The following EEF2K variants were observed in gnomAD, a reference collection of about 807,000 sequenced individuals.
The protein encoded by EEF2K is eukaryotic elongation factor 2 kinase, also known as alternative protein EEF2K.
A neutral mutation model predicts 93.8 loss-of-function variants in EEF2K; 70 were observed. The ratio of observed to expected loss-of-function variants is 0.75; its 90% CI spans 0.62 to 0.91. EEF2K has a LOEUF of 0.91. EEF2K is among the 40% of genes least tolerant of loss of function. The pLI is 0.00. For synonymous variants in EEF2K, 376 were observed against 380.8 expected (o/e 0.99, Z 0.15); for missense variants, 935 against 972.9 (o/e 0.96, Z 0.52).
chr16:22,209,834 C>G (rs1567255317), intron 1 of EEF2K, among the ~76,000 whole-genome samples: 1 of 152,188 alleles, frequency 6.6e-6, no homozygotes, highest in Non-Finnish European at 1.5e-5. Flanking sequence ...GCTCTGTCAC[C>G]CAGGCTGCGG....
intron 3 of EEF2K, among the ~76,000 whole-genome samples, chr16:22,247,140 G>A (rs1403689873): frequency 7.0e-6 from 1 of 143,844 alleles, no homozygotes; most frequent in Admixed American, 7.1e-5. Context: ...CAGCCATAAA[G>A]CTTAAAAATA....
At chr16:22,216,747 C>A (rs922580800) in intron 1 of EEF2K, among the ~76,000 whole-genome samples, 3 of 151,764 alleles carry the variant, frequency 2.0e-5, no homozygotes, top group Non-Finnish European at 2.9e-5. Flanking sequence ...AATAAAGGAA[C>A]CAGAAGAAGA....
chr16:22,282,614 C>CCTCTTGCTCGCTTGCTTTCTACGT lies in EEF2K; in HGVS notation c.2069-1263_2069-1240dup, dbSNP rs1004227617. ...TTTGTTATAAAAGCAAATTTGGCCCCCTCTTGCTCGCTTGCTTTCTACGTC... is the reference window on the plus strand; with the variant it reads ...TTTGTTATAAAAGCAAATTTGGCCCCCTCTTGCTCGCTTGCTTTCTACGTCTCTTGCTCGCTTGCTTTCTACGTC... On this transcript the variant is annotated intron_variant, in intron 17 of 17. Transcript: ENST00000263026. Among the ~76,000 whole-genome samples, 4 of 152,196 alleles carry CCTCTTGCTCGCTTGCTTTCTACGT rather than the reference C, an allele frequency of 2.6e-5. No individual in the cohort carries two copies. In the East Asian group the frequency reaches 5.8e-4, roughly 22 times the overall value.
At chr16:22,237,478 A>G (rs1302882457) in intron 2 of EEF2K, among the ~76,000 whole-genome samples, 1 of 151,906 alleles carries the variant, frequency 6.6e-6, no homozygotes, top group Non-Finnish European at 1.5e-5. Flanking sequence ...TCTCTACAAA[A>G]ATACAAAAAA....
At position 22,288,268 on chromosome 16, in the gene EEF2K, G is replaced by A. The variant is rs2047769171; in HGVS notation, c.*4272G>A. ...GGCCTCCCAAAGTGCTGGGATTACA[G>A]GCATGAGCCACCGTGCCAAGCCACG... On this transcript the variant is annotated 3_prime_UTR_variant, in exon 18 of 18. Transcript: ENST00000263026. 1 of 152,192 alleles carries A rather than the reference G, an allele frequency of 6.6e-6. No individual in the cohort carries two copies. Among genetic ancestry groups the A allele is most frequent in the African/African-American group, 2.4e-5 (1 of 41,432 alleles). The allele number at this position is 152,192 out of a possible 1,614,324, so 9.4% of individuals were successfully genotyped here.
chr16:22,246,252 T>C (rs976742197), intron 3 of EEF2K, among the ~76,000 whole-genome samples: 29 of 152,146 alleles, frequency 1.9e-4, no homozygotes, highest in African/African-American at 6.8e-4. Flanking sequence ...CTGGGCATGG[T>C]GGCTCATGCC....
At chr16:22,241,788 G>T (rs2047226143) in intron 2 of EEF2K, among the ~76,000 whole-genome samples, 1 of 151,712 alleles carries the variant, frequency 6.6e-6, no homozygotes, top group Admixed American at 6.6e-5. Flanking sequence ...TACCAAAATA[G>T]AAGAAAAGAA....
chr16:22,284,801 T>C lies in EEF2K; in HGVS notation c.*805T>C, dbSNP rs1337718823. On this transcript the variant is annotated 3_prime_UTR_variant, in exon 18 of 18. Transcript: ENST00000263026. Reference sequence around the variant, plus strand: ...CTAAGTCACGGGGCGTGTATTGCCGTGGCTTAGTGCAAAGCATTCTTTCTC... The same window carrying C: ...CTAAGTCACGGGGCGTGTATTGCCGCGGCTTAGTGCAAAGCATTCTTTCTC... The C allele has an allele frequency of 6.6e-6, 1 of 152,160 alleles. No individual in the cohort carries two copies. Among genetic ancestry groups the C allele is most frequent in the Non-Finnish European group, 1.5e-5 (1 of 68,030 alleles). 9.4% of individuals were successfully genotyped at this position (152,160 alleles called of 1,614,324 possible).
rs762484251 is a variant in EEF2K, at chr16:22,272,465, G to A, written c.1765-1161G>A. On this transcript the variant is annotated intron_variant, in intron 15 of 17. Coordinates refer to ENST00000263026, the MANE Select transcript of EEF2K (RefSeq NM_013302.5). ...TTGTATGACTATATTATTATGAAATGTCCAGATCCAGAATAGGCAATCCAT... is the reference window on the plus strand; with the variant it reads ...TTGTATGACTATATTATTATGAAATATCCAGATCCAGAATAGGCAATCCAT... 7.2e-5 allele frequency among the ~76,000 whole-genome samples: 11 copies of A among 152,298 alleles called. 1 individual carries two copies. The highest frequency in any genetic ancestry group is 6.8e-3 in the Middle Eastern group (2 of 294).
intron 16 of EEF2K, among the ~76,000 whole-genome samples, chr16:22,273,972 C>T (rs1374156436): frequency 1.3e-5 from 2 of 152,178 alleles, no homozygotes; most frequent in African/African-American, 4.8e-5. Context: ...GAAGGGTAAA[C>T]GAGATGCTGA....
intron 1 of EEF2K, among the ~76,000 whole-genome samples, 164 bp from the exon 2 acceptor site, chr16:22,225,490 A>C (rs1483147473): frequency 6.6e-6 from 1 of 152,202 alleles, no homozygotes; most frequent in African/African-American, 2.4e-5. Flanking sequence ...TTTCGAATTT[A>C]AAATGTGCCT....
At chr16:22,229,698 C>A (rs2047097267) in intron 2 of EEF2K, among the ~76,000 whole-genome samples, 1 of 151,998 alleles carries the variant, frequency 6.6e-6, no homozygotes, top group African/African-American at 2.4e-5. Flanking sequence ...GAGACTCCAT[C>A]TCAAAAAAAG....
rs2047350017 is a variant in EEF2K at position 22,251,335 on chromosome 16, A to G, written c.618+13A>G. On this transcript the variant is annotated intron_variant, in intron 6 of 17. Transcript: ENST00000263026. ...GCCCCCCAAGCAGGTGCGTGGCCCC[A>G]CTACCTGCCCCCTTTCCATGCCAGG... 1.2e-6 allele frequency: 2 copies of G among 1,613,174 alleles called. No homozygotes were observed. Among genetic ancestry groups the G allele is most frequent in the African/African-American group, 1.3e-5 (1 of 74,946 alleles).
chr16:22,239,542 G>A (rs2047200716), intron 2 of EEF2K, among the ~76,000 whole-genome samples: 1 of 152,150 alleles, frequency 6.6e-6, no homozygotes, highest in Non-Finnish European at 1.5e-5. Context: ...TGGGCGTGGT[G>A]GCTCATGCCT....
At chr16:22,243,247 A>ATTTT (rs568043657) in intron 2 of EEF2K, among the ~76,000 whole-genome samples, 1 of 118,498 alleles carries the variant, frequency 8.4e-6, no homozygotes. Flanking sequence ...GATGCAGCCT[A>ATTTT]TTTTTTTTTT....
At position 22,285,147 on chromosome 16, in the gene EEF2K, C is replaced by A. The variant is rs1349156556; in HGVS notation, c.*1151C>A. 6.6e-6 allele frequency: 1 copy of A among 152,556 alleles called. No homozygotes were observed. Among genetic ancestry groups the A allele is most frequent in the Non-Finnish European group, 1.5e-5 (1 of 68,056 alleles). The allele number at this position is 152,556 out of a possible 1,614,324, so 9.5% of individuals were successfully genotyped here. ...AGGACAGCGGCTTGGAATGTGAGAG[C>A]CTTTTCTCCAAGCAGACCCACACTC... is the stretch of plus-strand genomic sequence containing the variant. On this transcript the variant is annotated 3_prime_UTR_variant, in exon 18 of 18. Coordinates refer to ENST00000263026, the MANE Select transcript of EEF2K (RefSeq NM_013302.5).
At position 22,277,363 on chromosome 16, in the gene EEF2K, G is replaced by A. The variant is rs967559024; in HGVS notation, c.1890-2835G>A. On this transcript the variant is annotated intron_variant, in intron 16 of 17. Transcript: ENST00000263026. ...TTGCCCAGGCTGGCCTCAAACTCCT[G>A]GGCTCAAGAGATCCTCCAACCTAGG... 2.0e-5 allele frequency among the ~76,000 whole-genome samples: 3 copies of A among 152,110 alleles called. No individual in the cohort carries two copies. In the East Asian group the frequency reaches 5.8e-4, roughly 29 times the overall value.
rs2047730649 is a variant in EEF2K, at chr16:22,284,296, T to C, written c.*300T>C. The C allele has an allele frequency of 3.0e-6, 1 of 332,668 alleles. No individual in the cohort carries two copies. 20.6% of individuals were successfully genotyped at this position (332,668 alleles called of 1,614,324 possible). On this transcript the variant is annotated 3_prime_UTR_variant, in exon 18 of 18. Transcript: ENST00000263026. ...TTTTTTTGTTTGTTTGTTTGTTTGT[T>C]TTGAGACAGAGTCTTGCTCTGTCAC...
At position 22,256,908 on chromosome 16, in the gene EEF2K, G is replaced by C. The variant is rs2141673687; in HGVS notation, c.768+11G>C. ...CGCCTGACGCCGCAGGTGAGGCCGA[G>C]CTCACCTCCACCCTCTGCCCACCAC... On this transcript the variant is annotated intron_variant, in intron 7 of 17. Transcript: ENST00000263026. The C allele has an allele frequency of 3.7e-6, 6 of 1,613,176 alleles. No homozygotes were observed. The highest frequency in any genetic ancestry group is 4.2e-6 in the Non-Finnish European group (5 of 1,179,832).
Sources: gnomAD v4.1 joint callset for allele counts (sites outside exome capture counted in the v4.1 genomes callset) on GRCh38, gnomAD v4.1.1 for gene constraint, MANE v1.5 for transcripts, NCBI Gene and HGNC (gene_info 2026-07-23, HGNC 2026-07-21) for gene names.